The following GSTO2 variants were observed in gnomAD, a reference collection of about 807,000 sequenced individuals.
GSTO2 encodes glutathione S-transferase omega-2.
GSTO2 carries 23 observed loss-of-function variants against 28.4 expected under a neutral mutation model. The ratio of observed to expected loss-of-function variants is 0.81; its 90% CI spans 0.58 to 1.15. The LOEUF (loss-of-function observed/expected upper bound fraction) is 1.15, where lower values mean the gene tolerates loss of function less well. Ranked by LOEUF, GSTO2 falls within the 50% of genes most tolerant of loss-of-function variation. The pLI, the probability that GSTO2 is intolerant of heterozygous loss-of-function variation, is 0.00. For missense variants in GSTO2, 298 were observed against 297.8 expected, an observed-to-expected ratio of 1.00 and a Z score of 0.00; for synonymous variants, 109 against 111.0, an observed-to-expected ratio of 0.98 and a Z score of 0.11.
Position 104,272,587 on chromosome 10 carries a change from C to CTTTTTTTTTTT in GSTO2, c.-231-2064_-231-2054dup, listed in dbSNP as rs768279768. Reference sequence around the variant, plus strand: ...GAATCAAAATAGAACAGTTATGGGACTTTTTTTTTTTTTTTTTTTTTTTTT... The same window carrying CTTTTTTTTTTT: ...GAATCAAAATAGAACAGTTATGGGACTTTTTTTTTTTTTTTTTTTTTTTTTTTTTTTTTTTT... On this transcript the variant is annotated intron_variant, in intron 1 of 6. Coordinates refer to ENST00000338595, the MANE Select transcript of GSTO2 (RefSeq NM_183239.2). 3.4e-3 allele frequency among the ~76,000 whole-genome samples: 170 copies of CTTTTTTTTTTT among 49,296 alleles called. 47 individuals carry two copies. The highest frequency in any genetic ancestry group is 4.7e-3 in the Non-Finnish European group (125 of 26,478). The allele number at this position is 49,296 out of a possible 152,430, so 32.3% of individuals were successfully genotyped here. A position where few individuals can be genotyped will look rare whatever the true frequency, so the allele number is the denominator to read the frequency against.
intron 5 of GSTO2, chr10:104,286,024 AT>A (rs1298854516): frequency 1.1e-5 from 3 of 269,434 alleles, no homozygotes; most frequent in South Asian, 3.1e-5. Context: ...TACAAGCTAA[AT>A]TTTTTATCAT....
At chr10:104,286,638 G>C (rs888295860) in intron 5 of GSTO2, among the ~76,000 whole-genome samples, 1 of 152,056 alleles carries the variant, frequency 6.6e-6, no homozygotes, top group Non-Finnish European at 1.5e-5. Flanking sequence ...TTCACACTTG[G>C]GAACTGATTA....
intron 5 of GSTO2, chr10:104,295,495 G>A (rs1386267688): frequency 6.6e-6 from 1 of 152,204 alleles, no homozygotes; most frequent in Non-Finnish European, 1.5e-5. Context: ...ACCTTCAGGG[G>A]CCTGTGTTCC....
Position 104,275,267 on chromosome 10 carries a change from A to G in GSTO2, c.76A>G (p.Ile26Val). ...PGPVPEGLIR[I>V]YSMRFCPYSH... is the part of the protein sequence containing the mutation. ...GCCAGTCCCGGAGGGGCTGATCCGC[A>G]TCTACAGCATGAGGTTCTGCCCCTA... is the stretch of plus-strand genomic sequence containing the variant. The change falls in exon 3 of 7, where the codon ATC becomes GTC. Residue 26 changes from isoleucine to valine, a missense_variant. By Grantham distance (29) the Ile-to-Val change is conservative. Coordinates refer to ENST00000338595, the MANE Select transcript of GSTO2 (RefSeq NM_183239.2). The G allele has an allele frequency of 6.2e-7, 1 of 1,614,032 alleles. No homozygotes were observed. Among genetic ancestry groups the G allele is most frequent in the Non-Finnish European group, 8.5e-7 (1 of 1,179,988 alleles).
At chr10:104,297,503 G>T in intron 5 of GSTO2, 75 bp from the exon 6 acceptor site, 1 of 909,408 alleles carries the variant, frequency 1.1e-6, no homozygotes, top group South Asian at 1.5e-5. Context: ...ATTAATTTGA[G>T]ATTTACATTT....
rs537953127 is a variant in GSTO2, at chr10:104,279,486, C to T, written c.468+15C>T. Reference sequence around the variant, plus strand: ...ACCTGGAAGAGGTACAAAAAGGGGTCCCTCTCCTGGTCAGCTACAGTGGAG... The same window carrying T: ...ACCTGGAAGAGGTACAAAAAGGGGTTCCTCTCCTGGTCAGCTACAGTGGAG... On this transcript the variant is annotated intron_variant, in intron 5 of 6. Transcript: ENST00000338595. 5.9e-5 allele frequency: 93 copies of T among 1,581,346 alleles called. No homozygotes were observed. The South Asian group carries it at 1.0e-3, about 17-fold the overall frequency.
At chr10:104,274,618 T>TCC in intron 1 of GSTO2, 67 bp from the exon 2 acceptor site, 5 of 514,402 alleles carry the variant, frequency 9.7e-6, no homozygotes, top group Non-Finnish European at 1.7e-5. Flanking sequence ...TCCAAAGCTT[T>TCC]AAGCACATGT....
At chr10:104,270,675 G>C (rs2011354298) in intron 1 of GSTO2, among the ~76,000 whole-genome samples, 1 of 151,988 alleles carries the variant, frequency 6.6e-6, no homozygotes. Context: ...CTCACTTTTT[G>C]AACTCATTGG....
At position 104,274,763 on chromosome 10, in the gene GSTO2, C is replaced by T; in HGVS notation, c.-153C>T. On this transcript the variant is annotated 5_prime_UTR_variant, in exon 2 of 7. Transcript: ENST00000338595. ...CCTAGCTCCTGCTCCAGATCGCTTC[C>T]CCGTGCCCCGCCAGAGCCCAGTAGT... is the stretch of plus-strand genomic sequence containing the variant. 1.1e-6 allele frequency: 1 copy of T among 908,470 alleles called. No homozygotes were observed. The highest frequency in any genetic ancestry group is 1.7e-6 in the Non-Finnish European group (1 of 582,628). The allele number at this position is 908,470 out of a possible 1,614,324, so 56.3% of individuals were successfully genotyped here. A position where few individuals can be genotyped will look rare whatever the true frequency, so the allele number is the denominator to read the frequency against.
chr10:104,289,982 G>A (rs2012679143), intron 5 of GSTO2, among the ~76,000 whole-genome samples: 1 of 152,160 alleles, frequency 6.6e-6, no homozygotes, highest in Non-Finnish European at 1.5e-5. Flanking sequence ...TCACTGGGGC[G>A]GGAATGTTAA....
intron 5 of GSTO2, among the ~76,000 whole-genome samples, chr10:104,285,703 A>C (rs918391299): frequency 1.3e-5 from 2 of 152,136 alleles, no homozygotes; most frequent in Non-Finnish European, 2.9e-5. Context: ...CCTAGGCTCA[A>C]GTGATTCTCC....
At chr10:104,274,977 C>T in intron 2 of GSTO2, 28 bp downstream of exon 2, 2 of 1,565,072 alleles carry the variant, frequency 1.3e-6, no homozygotes, top group South Asian at 2.4e-5. Context: ...GGTCCGCGAG[C>T]TGGGGGCGCC....
intron 5 of GSTO2, among the ~76,000 whole-genome samples, chr10:104,281,809 C>T (rs2012061230): frequency 6.6e-6 from 1 of 152,092 alleles, no homozygotes; most frequent in Admixed American, 6.5e-5. Context: ...CCATTTAAAA[C>T]CTGGGTGTGT....
At chr10:104,281,445 A>G (rs531544547) in intron 5 of GSTO2, among the ~76,000 whole-genome samples, 2 of 152,354 alleles carry the variant, frequency 1.3e-5, no homozygotes, top group East Asian at 3.9e-4. Context: ...CAGTAATTGA[A>G]ACATTTTCAT....
At chr10:104,270,725 A>G (rs1350909555) in intron 1 of GSTO2, among the ~76,000 whole-genome samples, 2 of 151,998 alleles carry the variant, frequency 1.3e-5, no homozygotes, top group Non-Finnish European at 2.9e-5. Context: ...TTTCATATAA[A>G]TTAGGCTTCT....
At chr10:104,285,313 G>A (rs2012354446) in intron 5 of GSTO2, among the ~76,000 whole-genome samples, 1 of 152,026 alleles carries the variant, frequency 6.6e-6, no homozygotes, top group Non-Finnish European at 1.5e-5. Flanking sequence ...CTATTGCCCA[G>A]GTTGGAGTGC....
At position 104,299,294 on chromosome 10, in the gene GSTO2, T is replaced by C; in HGVS notation, c.*10T>C. ...CTTTGGGCTGTGCTGAGTCTCACTG[T>C]CCACCCCTTCGCTGTCCAGAATTCC... On this transcript the variant is annotated 3_prime_UTR_variant, in exon 7 of 7. Coordinates refer to ENST00000338595, the MANE Select transcript of GSTO2 (RefSeq NM_183239.2). 6.2e-7 allele frequency: 1 copy of C among 1,613,814 alleles called. No individual in the cohort carries two copies.
chr10:104,288,778 C>T (rs1387272540), intron 5 of GSTO2, among the ~76,000 whole-genome samples: 2 of 152,152 alleles, frequency 1.3e-5, no homozygotes, highest in South Asian at 2.1e-4. Flanking sequence ...CCTTTTAAAG[C>T]GTTCCTTGTA....
At chr10:104,279,237 A>G in intron 4 of GSTO2, 133 bp from the exon 5 acceptor site, 1 of 638,186 alleles carries the variant, frequency 1.6e-6, no homozygotes, top group East Asian at 2.7e-5. Context: ...TGCCTCTCAC[A>G]GGGAGCTGGG....
Sources: allele counts gnomAD v4.1 joint callset (sites outside exome capture counted in the v4.1 genomes callset), GRCh38; gene constraint gnomAD v4.1.1; transcripts MANE v1.5; gene names NCBI Gene and HGNC (gene_info 2026-07-23, HGNC 2026-07-21).